PSMA6: variants seen among roughly 807,000 people sequenced by gnomAD.
PSMA6 encodes proteasome subunit alpha type-6.
For missense variants in PSMA6, 170 were observed against 294.8 expected (o/e 0.58, Z 3.10); for synonymous variants, 88 against 97.7 (o/e 0.90, Z 0.59).
upstream of PSMA6, chr14:35,292,374 G>T (rs531450913): frequency 2.1e-5 from 32 of 1,534,170 alleles, no homozygotes; most frequent in Middle Eastern, 7.4e-4. Context: ...AAACGCGGCT[G>T]GTACCCCGGA....
Position 35,300,871 on chromosome 14 carries a change from T to G in PSMA6, c.77-7123T>G, listed in dbSNP as rs180776374. Among the ~76,000 whole-genome samples the G allele has an allele frequency of 4.0e-3, 605 of 152,318 alleles. 3 individuals are homozygous for G. The highest frequency in any genetic ancestry group is 7.0e-3 in the Non-Finnish European group (477 of 68,034). ...GTAGCTTGAAAAATTGAGTGGTTAG[T>G]AATACAATTATGAAATAAGGACTGT... is the stretch of plus-strand genomic sequence containing the variant. On this transcript the variant is annotated intron_variant, in intron 1 of 6. Transcript: ENST00000261479.
At chr14:35,295,990 G>A (rs2051579595) in intron 1 of PSMA6, among the ~76,000 whole-genome samples, 1 of 152,134 alleles carries the variant, frequency 6.6e-6, no homozygotes. Flanking sequence ...TCTGGCAAAG[G>A]AGAAGAGGAG....
chr14:35,313,152 A>G, intron 5 of PSMA6, 93 bp downstream of exon 5: 1 of 1,186,472 alleles, frequency 8.4e-7, no homozygotes, highest in Non-Finnish European at 1.2e-6. Flanking sequence ...CCTGAATTAC[A>G]TCCCAGGATT....
At position 35,281,926 on chromosome 14, in the gene PSMA6, T is replaced by C. The variant is rs192802639; in HGVS notation, c.19+3208T>C. Among the ~76,000 whole-genome samples the C allele has an allele frequency of 1.3e-4, 20 of 152,292 alleles. 1 individual carries two copies. Among genetic ancestry groups the C allele is most frequent in the Admixed American group, 1.2e-3 (19 of 15,296 alleles). ...TTCTACCTACATCCACGCTGTTCCT[T>C]CTTTCTGAATTGGGATCTTGTTCTC... is the stretch of plus-strand genomic sequence containing the variant. On this transcript the variant is annotated intron_variant, in intron 1 of 6. Transcript: ENST00000540871.
Position 35,308,914 on chromosome 14 carries a change from G to A in PSMA6, c.172G>A (p.Asp58Asn), listed in dbSNP as rs777130567. 2 of 1,593,924 alleles carry A rather than the reference G, an allele frequency of 1.3e-6. No individual in the cohort carries two copies. The highest frequency in any genetic ancestry group is 2.7e-5 in the African/African-American group (2 of 74,200). ...AVIVTQKKVP[D>N]KLLDSSTVTH... ...TATCTTTGTTTATTTTGTTTATTAG[G>A]ACAAATTATTGGATTCCAGCACAGT... The change falls in exon 3 of 7, where the codon GAC (aspartate) becomes AAC (asparagine). Residue 58 changes from aspartate (D) to asparagine (N), a missense_variant and splice_region_variant. Coordinates refer to ENST00000261479, the MANE Select transcript of PSMA6 (RefSeq NM_002791.3).
intron 1 of PSMA6, 124 bp downstream of exon 1, chr14:35,292,676 A>T: frequency 1.3e-6 from 2 of 1,490,908 alleles, no homozygotes; most frequent in East Asian, 4.7e-5. Flanking sequence ...GGAAGGGAGA[A>T]CGGCTGAAGC....
At chr14:35,304,449 G>A (rs1165391446) in intron 1 of PSMA6, among the ~76,000 whole-genome samples, 1 of 152,134 alleles carries the variant, frequency 6.6e-6, no homozygotes, top group Non-Finnish European at 1.5e-5. Context: ...TTGTAGTGTA[G>A]GCTGAGCGCG....
chr14:35,305,050 G>T (rs1234393596), intron 1 of PSMA6, among the ~76,000 whole-genome samples: 1 of 152,168 alleles, frequency 6.6e-6, no homozygotes, highest in African/African-American at 2.4e-5. Flanking sequence ...CTCAGCCTGG[G>T]TGACAGAGCA....
chr14:35,303,036 GTTTGGT>G (rs1475105762), intron 1 of PSMA6, among the ~76,000 whole-genome samples: 2 of 152,000 alleles, frequency 1.3e-5, no homozygotes, highest in South Asian at 4.1e-4. Context: ...GGTTTTTGTT[GTTTGGT>G]TTTGGTTTTG....
chr14:35,292,647 C>G (rs1015523777), intron 1 of PSMA6, 95 bp downstream of exon 1: 4 of 1,544,900 alleles, frequency 2.6e-6, no homozygotes, highest in South Asian at 1.2e-5. Context: ...AGTCTGGGGC[C>G]GAAGCTGGGC....
At chr14:35,282,500 A>G (rs1045365706) in intron 1 of PSMA6, among the ~76,000 whole-genome samples, 2 of 152,078 alleles carry the variant, frequency 1.3e-5, no homozygotes, top group African/African-American at 4.8e-5. Context: ...GCCTCAAGCA[A>G]TCCACTTATC....
chr14:35,305,483 C>A (rs549971411), intron 1 of PSMA6, among the ~76,000 whole-genome samples: 2 of 152,284 alleles, frequency 1.3e-5, no homozygotes, highest in South Asian at 2.1e-4. Flanking sequence ...TTGCTCTGTT[C>A]TTTTGTTCTC....
intron 1 of PSMA6, among the ~76,000 whole-genome samples, chr14:35,281,081 A>G (rs1048697628): frequency 1.3e-5 from 2 of 152,064 alleles, no homozygotes; most frequent in Non-Finnish European, 2.9e-5. Flanking sequence ...GGAAGCCTCT[A>G]TTGACCTTTC....
intron 5 of PSMA6, chr14:35,313,285 A>G (rs2051979846): frequency 7.0e-6 from 3 of 425,912 alleles, no homozygotes; most frequent in South Asian, 4.3e-5. Context: ...CAAAACGCAT[A>G]TAATAGGAAA....
chr14:35,316,624 T>C (rs1173462063), intron 6 of PSMA6: 1 of 152,150 alleles, frequency 6.6e-6, no homozygotes, highest in Non-Finnish European at 1.5e-5. Flanking sequence ...TCCCAGCACT[T>C]TGGGAGGCTG....
At chr14:35,299,833 G>A (rs1397297877) in intron 1 of PSMA6, among the ~76,000 whole-genome samples, 1 of 152,124 alleles carries the variant, frequency 6.6e-6, no homozygotes, top group Non-Finnish European at 1.5e-5. Context: ...ATTTATACAA[G>A]CCTTTACTGA....
At chr14:35,304,184 G>C (rs1040259726) in intron 1 of PSMA6, among the ~76,000 whole-genome samples, 2 of 152,126 alleles carry the variant, frequency 1.3e-5, no homozygotes, top group African/African-American at 4.8e-5. Flanking sequence ...TGTCGGCCAG[G>C]ATGGTCTTGA....
At chr14:35,282,713 G>A (rs553218335) in intron 1 of PSMA6, among the ~76,000 whole-genome samples, 92 of 152,084 alleles carry the variant, frequency 6.0e-4, no homozygotes, top group African/African-American at 2.2e-3. Flanking sequence ...AAATTAGCTG[G>A]GCACGGTGGC....
At chr14:35,294,403 T>C (rs1361196546) in intron 1 of PSMA6, among the ~76,000 whole-genome samples, 1 of 152,162 alleles carries the variant, frequency 6.6e-6, no homozygotes, top group Non-Finnish European at 1.5e-5. Flanking sequence ...TAATTAGACA[T>C]TGTTAGGAAA....
Sources: gnomAD v4.1 joint callset for allele counts (sites outside exome capture counted in the v4.1 genomes callset) on GRCh38, gnomAD v4.1.1 for gene constraint, MANE v1.5 for transcripts, NCBI Gene and HGNC (gene_info 2026-07-23, HGNC 2026-07-21) for gene names.